The following CRYBG3 variants were observed in gnomAD, a reference collection of about 807,000 sequenced individuals.
The protein encoded by CRYBG3 is very large A-kinase anchor protein.
In CRYBG3, 127 loss-of-function variants were observed where a neutral mutation model predicts 244.2. The ratio of observed to expected loss-of-function variants is 0.52; its 90% CI spans 0.45 to 0.60. CRYBG3 has a LOEUF of 0.60. Ranked by LOEUF, CRYBG3 falls within the 20% of genes least tolerant of loss-of-function variation. The pLI, the probability that CRYBG3 is intolerant of heterozygous loss-of-function variation, is 0.00. For synonymous variants in CRYBG3, 1,132 were observed against 1,195.8 expected (o/e 0.95, Z 1.10); for missense variants, 3,325 against 3,442.5 (o/e 0.97, Z 0.85).
intron 19 of CRYBG3, among the ~76,000 whole-genome samples, chr3:97,937,191 A>T (rs1157573132): frequency 6.6e-6 from 1 of 152,128 alleles, no homozygotes; most frequent in African/African-American, 2.4e-5. Flanking sequence ...GGTAACAGGA[A>T]TGAACTTTGA....
chr3:97,847,853 A>C (rs1055599133), intron 2 of CRYBG3, among the ~76,000 whole-genome samples: 4 of 152,230 alleles, frequency 2.6e-5, no homozygotes, highest in Non-Finnish European at 5.9e-5. Context: ...TGTAAATAAA[A>C]TGAAATTAAT....
At chr3:97,889,252 C>T (rs1196323075) in intron 9 of CRYBG3, 103 bp from the exon 10 acceptor site, 1 of 900,276 alleles carries the variant, frequency 1.1e-6, no homozygotes. Context: ...GTAATCTTCA[C>T]TGGTTAGATT....
chr3:97,915,744 C>G lies in CRYBG3; in HGVS notation c.8241+8C>G. ...CTCAAGCCCATTGACTATGTAAGTACTTTGCAAAATGCATACTTATAAGAT... is the reference window on the plus strand; with the variant it reads ...CTCAAGCCCATTGACTATGTAAGTAGTTTGCAAAATGCATACTTATAAGAT... On this transcript the variant is annotated splice_region_variant and intron_variant, in intron 17 of 21. Coordinates refer to ENST00000389622, the MANE Select transcript of CRYBG3 (RefSeq NM_153605.4). The G allele has an allele frequency of 6.3e-7, 1 of 1,596,114 alleles. No individual in the cohort carries two copies. The highest frequency in any genetic ancestry group is 1.1e-5 in the South Asian group (1 of 88,798).
chr3:97,873,108 T>C lies in CRYBG3; in HGVS notation c.1914T>C (p.Asp638=), dbSNP rs536372300. 6.5e-7 allele frequency: 1 copy of C among 1,535,476 alleles called. No individual in the cohort carries two copies. Among genetic ancestry groups the C allele is most frequent in the Non-Finnish European group, 8.7e-7 (1 of 1,146,592 alleles). The change falls in exon 4 of 22, where the codon GAT becomes GAC. Residue 638 remains aspartate (D), a synonymous_variant. Transcript: ENST00000389622. ...CTCAACAAGCTGAAGTATCACCTGA[T>C]GCTAAAACATCTCTTAGCCTTGACT... The part of the protein sequence containing the change: ...ESPQQAEVSP[D]AKTSLSLDCK...
intron 8 of CRYBG3, 55 bp downstream of exon 8, chr3:97,886,822 C>T (rs2039513762): frequency 6.4e-6 from 9 of 1,396,840 alleles, no homozygotes; most frequent in Admixed American, 4.8e-5. Context: ...TTTCATATTT[C>T]AATAGATGAC....
At chr3:97,939,136 G>T (rs1028500528) in intron 19 of CRYBG3, among the ~76,000 whole-genome samples, 2 of 151,874 alleles carry the variant, frequency 1.3e-5, no homozygotes, top group African/African-American at 4.8e-5. Context: ...CCTGCCTATT[G>T]TTCAAGATTG....
chr3:97,916,658 C>T (rs2039932490), intron 17 of CRYBG3, among the ~76,000 whole-genome samples: 1 of 152,114 alleles, frequency 6.6e-6, no homozygotes, highest in Admixed American at 6.6e-5. Flanking sequence ...AGAGCTGACT[C>T]CAAGGATAAT....
rs2039676899 is a variant in CRYBG3 at position 97,899,277 on chromosome 3, G to T, written c.7971+14G>T. On this transcript the variant is annotated intron_variant, in intron 14 of 21. Coordinates refer to ENST00000389622, the MANE Select transcript of CRYBG3 (RefSeq NM_153605.4). Reference sequence around the variant, plus strand: ...CCAATCCAACTGGTGAGTGAAGTATGAACATAGCCAGTGCTGCATCATGTA... The same window carrying T: ...CCAATCCAACTGGTGAGTGAAGTATTAACATAGCCAGTGCTGCATCATGTA... 27 of 1,607,420 alleles carry T rather than the reference G, an allele frequency of 1.7e-5. No individual in the cohort carries two copies. Among genetic ancestry groups the T allele is most frequent in the Non-Finnish European group, 2.3e-5 (27 of 1,177,998 alleles).
At chr3:97,922,972 A>G (rs1023755100) in intron 17 of CRYBG3, among the ~76,000 whole-genome samples, 18 of 152,194 alleles carry the variant, frequency 1.2e-4, no homozygotes, top group African/African-American at 3.6e-4. Context: ...GATTAAGAAA[A>G]TGTGGCACAT....
intron 14 of CRYBG3, among the ~76,000 whole-genome samples, chr3:97,900,231 C>T (rs2039690321): frequency 6.6e-6 from 1 of 151,978 alleles, no homozygotes; most frequent in Admixed American, 6.6e-5. Flanking sequence ...GACTGTAGTC[C>T]CAGCTACTTG....
At position 97,874,804 on chromosome 3, in the gene CRYBG3, A is replaced by T. The variant is rs770423486; in HGVS notation, c.3610A>T (p.Ile1204Phe). ...SSLLKKADTL[I>F]GEIFNSVREE... Reference sequence around the variant, plus strand: ...TTTACTCAAAAAGGCCGATACATTGATTGGTGAGATTTTTAATTCTGTCAG... The same window carrying T: ...TTTACTCAAAAAGGCCGATACATTGTTTGGTGAGATTTTTAATTCTGTCAG... The change falls in exon 4 of 22, where the codon ATT becomes TTT. Residue 1204 changes from isoleucine (I) to phenylalanine (F), a missense_variant. Physicochemically the swap from Ile to Phe is conservative, Grantham distance 21. Around this residue, in one of 4 missense-constraint regions of CRYBG3, gnomAD observed 1,526 missense variants for 1,443.2 expected, o/e 1.06. Coordinates refer to ENST00000389622, the MANE Select transcript of CRYBG3 (RefSeq NM_153605.4). 5.9e-6 allele frequency: 9 copies of T among 1,536,070 alleles called. No individual in the cohort carries two copies. In the South Asian group the frequency reaches 9.5e-5, roughly 16 times the overall value.
chr3:97,859,198 T>A (rs2108196943), intron 2 of CRYBG3, among the ~76,000 whole-genome samples: 1 of 152,138 alleles, frequency 6.6e-6, no homozygotes, highest in Admixed American at 6.6e-5. Flanking sequence ...AGTTTCTGAG[T>A]GGTGTGTGTA....
intron 18 of CRYBG3, among the ~76,000 whole-genome samples, chr3:97,935,441 C>T (rs750323457): frequency 6.6e-6 from 1 of 151,936 alleles, no homozygotes; most frequent in Non-Finnish European, 1.5e-5. Flanking sequence ...TTCATCTCTC[C>T]ATAATTTGGT....
chr3:97,936,724 T>G, intron 18 of CRYBG3, 61 bp from the exon 19 acceptor site: 1 of 1,574,826 alleles, frequency 6.3e-7, no homozygotes, highest in Non-Finnish European at 8.7e-7. Flanking sequence ...TGCAGATACT[T>G]TTGATGAGGG....
At position 97,872,072 on chromosome 3, in the gene CRYBG3, A is replaced by G; in HGVS notation, c.878A>G (p.Lys293Arg). ...LLSASTDSSM[K>R]GNLLEGPLED... is the part of the protein sequence containing the mutation. The stretch of plus-strand genomic sequence containing the variant: ...TCAGCTAGTACAGACTCATCTATGA[A>G]AGGAAATCTACTTGAAGGCCCATTA... Residue 293 changes from lysine to arginine, a missense_variant, in exon 4 of 22, where the codon AAA (lysine) becomes AGA (arginine). By Grantham distance (26) the Lys-to-Arg change is conservative. Around this residue, in one of 4 missense-constraint regions of CRYBG3, gnomAD observed 1,526 missense variants for 1,443.2 expected, o/e 1.06. Coordinates refer to ENST00000389622, the MANE Select transcript of CRYBG3 (RefSeq NM_153605.4). 6.5e-7 allele frequency: 1 copy of G among 1,535,854 alleles called. No individual in the cohort carries two copies.
intron 2 of CRYBG3, among the ~76,000 whole-genome samples, chr3:97,857,824 T>C (rs2039088264): frequency 6.6e-6 from 1 of 152,116 alleles, no homozygotes; most frequent in African/African-American, 2.4e-5. Context: ...TTTACGGTTA[T>C]TATTGATAAA....
In CRYBG3 at chr3:97,843,262, G is replaced by T; in HGVS notation, c.216+1G>T. ...TGTACTTTCATCAGAAGCAGTAAAG[G>T]TATAGTTTTAAATTAATATTATTTT... On this transcript the variant is annotated splice_donor_variant, in intron 2 of 21. Coordinates refer to ENST00000389622, the MANE Select transcript of CRYBG3 (RefSeq NM_153605.4). LOFTEE classifies it high-confidence loss of function. 1 of 1,422,406 alleles carries T rather than the reference G, an allele frequency of 7.0e-7. No individual in the cohort carries two copies. Among genetic ancestry groups the T allele is most frequent in the African/African-American group, 1.4e-5 (1 of 70,508 alleles). The allele number at this position is 1,422,406 out of a possible 1,614,324, so 88.1% of individuals were successfully genotyped here.
chr3:97,931,910 T>C (rs2040102021), intron 17 of CRYBG3, among the ~76,000 whole-genome samples: 2 of 152,094 alleles, frequency 1.3e-5, no homozygotes, highest in Admixed American at 1.3e-4. Context: ...ATTCTCTCTG[T>C]TCTTCACTTA....
In CRYBG3 at chr3:97,871,829, T is replaced by A; in HGVS notation, c.648-13T>A. 1 of 1,469,858 alleles carries A rather than the reference T, an allele frequency of 6.8e-7. No homozygotes were observed. Among genetic ancestry groups the A allele is most frequent in the Non-Finnish European group, 8.9e-7 (1 of 1,119,338 alleles). 91.1% of individuals were successfully genotyped at this position (1,469,858 alleles called of 1,614,324 possible). A position where few individuals can be genotyped will look rare whatever the true frequency, so the allele number is the denominator to read the frequency against. On this transcript the variant is annotated splice_polypyrimidine_tract_variant and intron_variant, in intron 3 of 21. Transcript: ENST00000389622. Reference sequence around the variant, plus strand: ...ATTATATTTCCTGATACTCTCATGCTTTCTTTTTACAGACAAATCGATGGT... The same window carrying A: ...ATTATATTTCCTGATACTCTCATGCATTCTTTTTACAGACAAATCGATGGT...
Sources: allele counts gnomAD v4.1 joint callset (sites outside exome capture counted in the v4.1 genomes callset), GRCh38; gene constraint gnomAD v4.1.1; regional missense constraint gnomAD v4.1.1; transcripts MANE v1.5; gene names NCBI Gene and HGNC (gene_info 2026-07-23, HGNC 2026-07-21).